AKAP3: variants seen among roughly 807,000 people sequenced by gnomAD.
AKAP3 encodes A-kinase anchor protein 3.
AKAP3 carries 27 observed loss-of-function variants against 57.2 expected under a neutral mutation model. The ratio of observed to expected loss-of-function variants is 0.47; its 90% CI spans 0.35 to 0.65. AKAP3 has a LOEUF of 0.65. Ranked by LOEUF, AKAP3 falls within the 30% of genes least tolerant of loss-of-function variation. The probability of loss-of-function intolerance (pLI) is 0.01; values close to 1 mark genes in which losing one functional copy is unlikely to be tolerated. For synonymous variants in AKAP3, 334 were observed against 392.3 expected (o/e 0.85, Z 1.76); for missense variants, 959 against 1,040.0 (o/e 0.92, Z 1.07).
chr12:4,641,465 T>C (rs906446542), intron 3 of AKAP3, among the ~76,000 whole-genome samples: 1 of 152,200 alleles, frequency 6.6e-6, no homozygotes, highest in Non-Finnish European at 1.5e-5. Flanking sequence ...CCGCCAGCCT[T>C]GGCCTGCAGG....
rs1446281689 is a variant in AKAP3, at chr12:4,628,594, T to C, written c.308A>G (p.His103Arg). ...TPERLHFEMT[H>R]KEIPCQGPRA... is the part of the protein sequence containing the mutation. ...GGGGCCCTGGCAAGGAATCTCTTTGTGAGTCATCTCAAAATGCAATCTTTC... is the reference window on the plus strand; with the variant it reads ...GGGGCCCTGGCAAGGAATCTCTTTGCGAGTCATCTCAAAATGCAATCTTTC... The change falls in exon 5 of 6, where the codon CAC becomes CGC. Residue 103 changes from histidine (H) to arginine (R), a missense_variant. By Grantham distance (29) the His-to-Arg change is conservative (BLOSUM62 0). Transcript: ENST00000228850. 1.4e-5 allele frequency: 22 copies of C among 1,614,112 alleles called. No individual in the cohort carries two copies. Among genetic ancestry groups the C allele is most frequent in the Non-Finnish European group, 1.8e-5 (21 of 1,180,026 alleles).
Position 4,627,276 on chromosome 12 carries a change from T to A in AKAP3, c.1626A>T (p.Gly542=). 6.2e-7 allele frequency: 1 copy of A among 1,613,946 alleles called. No individual in the cohort carries two copies. Among genetic ancestry groups the A allele is most frequent in the Non-Finnish European group, 8.5e-7 (1 of 1,179,976 alleles). Reference sequence around the variant, plus strand: ...CGAAGCTCCGTGCATCCCTTCTTCCTCCCTGGGCCAGGTGATATTGAATCA... The same window carrying A: ...CGAAGCTCCGTGCATCCCTTCTTCCACCCTGGGCCAGGTGATATTGAATCA... ...LLLIQYHLAQ[G]GRRDARSFVE... Residue 542 remains glycine, a synonymous_variant, in exon 5 of 6, where the codon GGA becomes GGT. Transcript: ENST00000228850.
At chr12:4,622,640 A>C (rs1167793866) in intron 5 of AKAP3, among the ~76,000 whole-genome samples, 4 of 152,240 alleles carry the variant, frequency 2.6e-5, no homozygotes, top group Non-Finnish European at 5.9e-5. Flanking sequence ...AACATGGATT[A>C]AAGAGTTAAA....
Position 4,627,323 on chromosome 12 carries a change from G to C in AKAP3, c.1579C>G (p.Leu527Val). The change falls in exon 5 of 6, where the codon CTG (leucine) becomes GTG (valine). Residue 527 changes from leucine to valine, a missense_variant. Physicochemically the swap from Leu to Val is conservative, Grantham distance 32 (BLOSUM62 1). Coordinates refer to ENST00000228850, the MANE Select transcript of AKAP3 (RefSeq NM_001278309.2). ...ATCAGAAGCAGGGCAGACACGATCA[G>C]GTCCTCGGCCCAGGAGTCTGAATCA... is the stretch of plus-strand genomic sequence containing the variant. ...MYDSDSWAED[L>V]IVSALLLIQY... The C allele has an allele frequency of 1.2e-6, 2 of 1,614,020 alleles. No individual in the cohort carries two copies. The highest frequency in any genetic ancestry group is 1.7e-6 in the Non-Finnish European group (2 of 1,180,000).
rs528442650 is a variant in AKAP3, at chr12:4,632,218, T to C, written c.97-3413A>G. On this transcript the variant is annotated intron_variant, in intron 4 of 5. Transcript: ENST00000228850. ...TGCTTTTGCTTATTATTTTTATCACTTATAAAGAGGCTACCTCTTTAAATC... is the reference window on the plus strand; with the variant it reads ...TGCTTTTGCTTATTATTTTTATCACCTATAAAGAGGCTACCTCTTTAAATC... 2.4e-4 allele frequency among the ~76,000 whole-genome samples: 28 copies of C among 114,750 alleles called. 1 individual carries two copies. The East Asian group carries it at 5.1e-3, about 21-fold the overall frequency. The allele number at this position is 114,750 out of a possible 152,430, so 75.3% of individuals were successfully genotyped here. A position where few individuals can be genotyped will look rare whatever the true frequency, so the allele number is the denominator to read the frequency against.
chr12:4,640,068 G>A (rs540205224), intron 3 of AKAP3, among the ~76,000 whole-genome samples: 4 of 151,998 alleles, frequency 2.6e-5, no homozygotes, highest in South Asian at 2.1e-4. Context: ...CACCCGCCTC[G>A]GCCTCCCAAA....
Position 4,635,524 on chromosome 12 carries a change from AT to A in AKAP3, c.96+2576del, listed in dbSNP as rs540928747. 6,292 of 687,060 alleles carry A rather than the reference AT, an allele frequency of 9.2e-3. 100 individuals are homozygous for A. The highest frequency in any genetic ancestry group is 0.015 in the Non-Finnish European group (5,472 of 366,774). The allele number at this position is 687,060 out of a possible 1,614,324, so 42.6% of individuals were successfully genotyped here. ...CTGATGTCTTCATGAATAATAAACT[AT>A]TGTCATCTGCATAGGACTGTGCTTC... is the stretch of plus-strand genomic sequence containing the variant. On this transcript the variant is annotated intron_variant, in intron 4 of 5. Transcript: ENST00000228850.
At position 4,621,012 on chromosome 12, in the gene AKAP3, C is replaced by T. The variant is rs1591816114; in HGVS notation, c.2407-5118G>A. Among the ~76,000 whole-genome samples, 12 of 152,174 alleles carry T rather than the reference C, an allele frequency of 7.9e-5. No individual in the cohort carries two copies. In the South Asian group the frequency reaches 2.3e-3, roughly 29 times the overall value. On this transcript the variant is annotated intron_variant, in intron 5 of 5. Transcript: ENST00000228850. ...GAGTGTTACTTACCCTGAAGACCTT[C>T]TAATGGGAGAACATGCAGAGGTGGA...
rs527899711 is a variant in AKAP3, at chr12:4,640,707, A to T, written c.-1+1192T>A. On this transcript the variant is annotated intron_variant, in intron 3 of 5. Transcript: ENST00000228850. ...AATCACTAACTCAGATTACTGAGCT[A>T]AGGAAGCAGTTTATTTTAATCTTCC... is the stretch of plus-strand genomic sequence containing the variant. Among the ~76,000 whole-genome samples the T allele has an allele frequency of 7.2e-5, 11 of 152,324 alleles. No homozygotes were observed. In the South Asian group the frequency reaches 2.3e-3, roughly 32 times the overall value.
In AKAP3 at chr12:4,635,733, CT is replaced by C. The variant is rs895454748; in HGVS notation, c.96+2367del. 7.0e-6 allele frequency: 5 copies of C among 719,302 alleles called. No homozygotes were observed. The African/African-American group carries it at 8.7e-5, about 13-fold the overall frequency. 44.6% of individuals were successfully genotyped at this position (719,302 alleles called of 1,614,324 possible). On this transcript the variant is annotated intron_variant, in intron 4 of 5. Transcript: ENST00000228850. ...TGTGCTCCTCTGTAGTACATTGGTG[CT>C]AGGCTACGGTATCATTCTTGACCAG...
At position 4,627,717 on chromosome 12, in the gene AKAP3, C is replaced by G. The variant is rs867120667; in HGVS notation, c.1185G>C (p.Arg395Ser). Residue 395 changes from arginine (R) to serine (S), a missense_variant, in exon 5 of 6, where the codon AGG (arginine) becomes AGC (serine). By Grantham distance (110) the Arg-to-Ser change is moderately radical (BLOSUM62 -1). Coordinates refer to ENST00000228850, the MANE Select transcript of AKAP3 (RefSeq NM_001278309.2). The part of the protein sequence containing the change: ...MFAKKVPEHV[R>S]KAQDKAESYS... ...AACTCTCAGCCTTGTCTTGGGCTTT[C>G]CTGACATGCTCAGGGACTTTCTTGG... is the stretch of plus-strand genomic sequence containing the variant. 1 of 1,614,052 alleles carries G rather than the reference C, an allele frequency of 6.2e-7. No individual in the cohort carries two copies. The highest frequency in any genetic ancestry group is 1.3e-5 in the African/African-American group (1 of 74,942).
At chr12:4,616,354 A>G (rs1056280520) in intron 5 of AKAP3, among the ~76,000 whole-genome samples, 1 of 152,264 alleles carries the variant, frequency 6.6e-6, no homozygotes, top group Non-Finnish European at 1.5e-5. Context: ...AGTAATTAGC[A>G]GAACCAAAAT....
intron 1 of AKAP3, chr12:4,648,509 C>T (rs1183036029): frequency 5.3e-5 from 8 of 152,242 alleles, no homozygotes; most frequent in African/African-American, 1.9e-4. Context: ...TGAGCAGAGA[C>T]TTGAGCTGGT....
In AKAP3 at chr12:4,617,751, CAAAAA is replaced by C. The variant is rs3083727; in HGVS notation, c.2407-1862_2407-1858del. Among the ~76,000 whole-genome samples the C allele has an allele frequency of 1.4e-4, 16 of 118,448 alleles. No homozygotes were observed. In the South Asian group the frequency reaches 4.1e-3, roughly 30 times the overall value. 77.7% of individuals were successfully genotyped at this position (118,448 alleles called of 152,430 possible). ...TGAGCAACAGAGTGAGATTCTGTCT[CAAAAA>C]AAAAAAAAAAAAGTGTTTTAAGGTT... On this transcript the variant is annotated intron_variant, in intron 5 of 5. Transcript: ENST00000228850.
chr12:4,629,493 G>A (rs1346425308), intron 4 of AKAP3, among the ~76,000 whole-genome samples: 1 of 152,186 alleles, frequency 6.6e-6, no homozygotes, highest in African/African-American at 2.4e-5. Flanking sequence ...TGGAGGTAGG[G>A]AGGAGGGAGA....
rs1945734754 is a variant in AKAP3, at chr12:4,648,973, C to T, written c.-473G>A. The stretch of plus-strand genomic sequence containing the variant: ...TTTCACTTCCTTTCTTCCCCCTCTC[C>T]TTCACTTTCCCAGCTTTCTTCTTAA... On this transcript the variant is annotated 5_prime_UTR_variant, in exon 1 of 6. Coordinates refer to ENST00000228850, the MANE Select transcript of AKAP3 (RefSeq NM_001278309.2). 7.4e-6 allele frequency: 6 copies of T among 814,282 alleles called. No individual in the cohort carries two copies. The highest frequency in any genetic ancestry group is 1.2e-5 in the Non-Finnish European group (6 of 517,156). The allele number at this position is 814,282 out of a possible 1,614,324, so 50.4% of individuals were successfully genotyped here.
rs1945735356 is a variant in AKAP3, at chr12:4,649,004, A to C, written c.-504T>G. 1.8e-6 allele frequency: 2 copies of C among 1,106,944 alleles called. No individual in the cohort carries two copies. The highest frequency in any genetic ancestry group is 1.3e-6 in the Non-Finnish European group (1 of 766,828). 68.6% of individuals were successfully genotyped at this position (1,106,944 alleles called of 1,614,324 possible). A position where few individuals can be genotyped will look rare whatever the true frequency, so the allele number is the denominator to read the frequency against. On this transcript the variant is annotated 5_prime_UTR_variant, in exon 1 of 6. In the 5' UTR this introduces an upstream ATG that the reference lacks. Transcript: ENST00000228850. ...TTTCCCAGCTTTCTTCTTAACCAAC[A>C]ATCTACCCGAAACCGTCGTTTCTTG...
At chr12:4,641,816 G>A (rs1440331669) in intron 3 of AKAP3, 83 bp downstream of exon 3, 1 of 152,064 alleles carries the variant, frequency 6.6e-6, no homozygotes, top group Admixed American at 6.5e-5. Flanking sequence ...AAATCAATAG[G>A]ATCTATTGCT....
rs770962130 is a variant in AKAP3 at position 4,627,371 on chromosome 12, C to A, written c.1531G>T (p.Glu511Ter). ...TCATACATAAAATTCTCAGGTTTCT[C>A]TGGAGGATATGGAGGAAGGCTGAGG... ...GNLSLPPYPP[E>*]KPENFMYDSD... Residue 511 changes from glutamate to a stop codon, truncating the protein, a stop_gained, in exon 5 of 6, where the codon GAG becomes TAG. Transcript: ENST00000228850. LOFTEE classifies it high-confidence loss of function. The A allele has an allele frequency of 5.6e-6, 9 of 1,613,928 alleles. No individual in the cohort carries two copies. The South Asian group carries it at 9.9e-5, about 18-fold the overall frequency.
Sources: allele counts gnomAD v4.1 joint callset (sites outside exome capture counted in the v4.1 genomes callset), GRCh38; gene constraint gnomAD v4.1.1; transcripts MANE v1.5; gene names NCBI Gene and HGNC (gene_info 2026-07-23, HGNC 2026-07-21).